STK3: variants seen among roughly 807,000 people sequenced by gnomAD.
The protein encoded by STK3 is serine/threonine-protein kinase 3.
STK3 carries 41 observed loss-of-function variants against 58.0 expected under a neutral mutation model. The observed-to-expected ratio is 0.71, with a 90% CI of 0.55 to 0.92. STK3 has a LOEUF of 0.92. STK3 is among the 40% of genes least tolerant of loss of function. STK3 has a pLI of 0.00. For missense variants in STK3, 479 were observed against 602.7 expected (o/e 0.79, Z 2.15); for synonymous variants, 170 against 191.0 (o/e 0.89, Z 0.91).
chr8:98,355,462 A>C, the STK3 span, among the ~76,000 whole-genome samples: 1 of 152,216 alleles, frequency 6.6e-6, no homozygotes, highest in Non-Finnish European at 1.5e-5. Flanking sequence ...AGTTAAGTAC[A>C]TTCCTCTGAT....
chr8:98,566,574 A>C (rs963375329), intron 8 of STK3, among the ~76,000 whole-genome samples: 12 of 152,186 alleles, frequency 7.9e-5, no homozygotes, highest in African/African-American at 2.6e-4. Context: ...TCAGAGAAAA[A>C]ATTTGATCTA....
chr8:98,729,529 G>A (rs1391110933), intron 4 of STK3, among the ~76,000 whole-genome samples: 3 of 152,166 alleles, frequency 2.0e-5, no homozygotes, highest in Non-Finnish European at 4.4e-5. Context: ...TACCAATGGT[G>A]AATACTAAGA....
chr8:98,735,914 T>C (rs1248913870), intron 4 of STK3, among the ~76,000 whole-genome samples: 3 of 152,156 alleles, frequency 2.0e-5, no homozygotes. Context: ...TTAATATCTA[T>C]GCTGACAATC....
At chr8:98,685,803 G>A (rs1302113325) in intron 6 of STK3, among the ~76,000 whole-genome samples, 1 of 151,882 alleles carries the variant, frequency 6.6e-6, no homozygotes, top group Non-Finnish European at 1.5e-5. Context: ...AGGGGGGTGA[G>A]GGGAGAGTAT....
intron 2 of STK3, among the ~76,000 whole-genome samples, chr8:98,378,165 G>A (rs1817694154): frequency 6.6e-6 from 1 of 152,206 alleles, no homozygotes; most frequent in Non-Finnish European, 1.5e-5. Context: ...GATGGCAAGA[G>A]GTTACGGGGG....
intron 8 of STK3, among the ~76,000 whole-genome samples, chr8:98,566,113 G>C (rs893068853): frequency 1.3e-5 from 2 of 152,070 alleles, no homozygotes. Context: ...ATTCTCATCA[G>C]ACAAGCTTTT....
At chr8:98,613,799 A>C (rs1485021021) in intron 6 of STK3, among the ~76,000 whole-genome samples, 1 of 152,152 alleles carries the variant, frequency 6.6e-6, no homozygotes, top group Non-Finnish European at 1.5e-5. Flanking sequence ...GTAGTATATA[A>C]GAAACTAACT....
At chr8:98,722,865 A>G (rs980511527) in intron 4 of STK3, 1 of 503,666 alleles carries the variant, frequency 2.0e-6, no homozygotes, top group Non-Finnish European at 3.9e-6. Context: ...GATCTGCTTC[A>G]TATAGAAGAA....
At chr8:98,819,675 TC>T (rs1834765102) in intron 1 of STK3, among the ~76,000 whole-genome samples, 1 of 152,194 alleles carries the variant, frequency 6.6e-6, no homozygotes, top group African/African-American at 2.4e-5. Flanking sequence ...CCTAGGGCCT[TC>T]CTCTGAGTCT....
intron 10 of STK3, among the ~76,000 whole-genome samples, chr8:98,525,790 G>A (rs1399807384): frequency 6.6e-6 from 1 of 151,846 alleles, no homozygotes; most frequent in Non-Finnish European, 1.5e-5. Context: ...TCACAATATT[G>A]AGGAAAAAAG....
At chr8:98,429,654 G>T in intron 3 of STK3, 1 of 492,122 alleles carries the variant, frequency 2.0e-6, no homozygotes, top group Non-Finnish European at 3.7e-6. Flanking sequence ...TTGCATCGTG[G>T]GCATAAAATG....
chr8:98,574,386 C>T lies in STK3; in HGVS notation c.948+5278G>A, dbSNP rs1165874755. Among the ~76,000 whole-genome samples, 7 of 152,026 alleles carry T rather than the reference C, an allele frequency of 4.6e-5. No homozygotes were observed. The East Asian group carries it at 1.4e-3, about 29-fold the overall frequency. On this transcript the variant is annotated intron_variant, in intron 8 of 10. Transcript: ENST00000419617. ...CTTGCAAGCAAACCTCAAATCCAGGCAATAGTCAGGAAATTATGGTCTAAA... is the reference window on the plus strand; with the variant it reads ...CTTGCAAGCAAACCTCAAATCCAGGTAATAGTCAGGAAATTATGGTCTAAA...
At chr8:98,617,588 A>G (rs1360776853) in intron 6 of STK3, among the ~76,000 whole-genome samples, 1 of 152,168 alleles carries the variant, frequency 6.6e-6, no homozygotes, top group African/African-American at 2.4e-5. Flanking sequence ...AGAAAAAAAG[A>G]GAGGAAAATC....
At chr8:98,842,877 A>T (rs1472966299) in intron 3 of STK3, among the ~76,000 whole-genome samples, 1 of 151,952 alleles carries the variant, frequency 6.6e-6, no homozygotes, top group Non-Finnish European at 1.5e-5. Context: ...CATGGTCCTT[A>T]GCTAATTAGC....
chr8:98,861,064 G>A (rs560200185), intron 3 of STK3, among the ~76,000 whole-genome samples: 289 of 151,822 alleles, frequency 1.9e-3, no homozygotes, highest in Admixed American at 2.4e-3. Flanking sequence ...TATCCCAAAA[G>A]AAAAAGAAAA....
At chr8:98,879,810 A>G (rs949411611), downstream of STK3, 4 of 152,244 alleles carry the variant, frequency 2.6e-5, no homozygotes, top group African/African-American at 9.6e-5. Flanking sequence ...AAAAAGATTA[A>G]ATCAATAACA....
At chr8:98,557,949 A>C (rs1406813215) in intron 8 of STK3, among the ~76,000 whole-genome samples, 1 of 152,118 alleles carries the variant, frequency 6.6e-6, no homozygotes, top group African/African-American at 2.4e-5. Flanking sequence ...CAGAGGCTCC[A>C]TGATGCAAGA....
intron 3 of STK3, among the ~76,000 whole-genome samples, chr8:98,412,206 T>A (rs1563595544): frequency 6.6e-6 from 1 of 152,238 alleles, no homozygotes; most frequent in Non-Finnish European, 1.5e-5. Flanking sequence ...TTCCTACTTA[T>A]GAATTAAATA....
intron 4 of STK3, among the ~76,000 whole-genome samples, chr8:98,738,657 A>C (rs1046558077): frequency 2.6e-5 from 4 of 152,192 alleles, no homozygotes; most frequent in Non-Finnish European, 4.4e-5. Flanking sequence ...TCCCAGCGTG[A>C]GCGACGCAGA....
Sources: allele counts gnomAD v4.1 joint callset (sites outside exome capture counted in the v4.1 genomes callset), GRCh38; gene constraint gnomAD v4.1.1; transcripts MANE v1.5; gene names NCBI Gene and HGNC (gene_info 2026-07-23, HGNC 2026-07-21).